TTN: variants seen among roughly 807,000 people sequenced by gnomAD.
The protein encoded by TTN is connectin.
A neutral mutation model predicts 3,223.0 loss-of-function variants in TTN; 1,525 were observed. The ratio of observed to expected loss-of-function variants is 0.47; its 90% CI spans 0.45 to 0.49. TTN has a LOEUF of 0.49. Ranked by LOEUF, TTN falls within the 20% of genes least tolerant of loss-of-function variation. The pLI, the probability that TTN is intolerant of heterozygous loss-of-function variation, is 0.00. For missense variants in TTN, 40,786 were observed against 43,424.0 expected, an observed-to-expected ratio of 0.94 and a Z score of 5.40; for synonymous variants, 14,094 against 15,161.0, an observed-to-expected ratio of 0.93 and a Z score of 5.17.
At position 178,785,946 on chromosome 2, in the gene TTN, G is replaced by A; in HGVS notation, c.2272C>T (p.His758Tyr). Reference protein sequence around the residue: ...EPPQRPASEPHVVPKAVKPRV... With the variant: ...EPPQRPASEPYVVPKAVKPRV... ...GGCTTGACTGCTTTAGGGACAACGT[G>A]GGGTTCTGAGGCTGGACGTTGGGGA... The change falls in exon 14 of 363, where the codon CAC (histidine) becomes TAC (tyrosine). Residue 758 changes from histidine (H) to tyrosine (Y), a missense_variant. Coordinates refer to ENST00000589042, the MANE Select transcript of TTN (RefSeq NM_001267550.2). 6.2e-7 allele frequency: 1 copy of A among 1,614,122 alleles called. No homozygotes were observed. Among genetic ancestry groups the A allele is most frequent in the Non-Finnish European group, 8.5e-7 (1 of 1,180,012 alleles).
At chr2:178,627,350 C>T (rs990300835) in intron 240 of TTN, among the ~76,000 whole-genome samples, 5 of 151,596 alleles carry the variant, frequency 3.3e-5, no homozygotes, top group African/African-American at 4.8e-5. Context: ...GTTTTGAAGG[C>T]GAAAATTTTT....
At chr2:178,637,146 GATATATATATATATATATATAT>G (rs61216469) in intron 224 of TTN, among the ~76,000 whole-genome samples, 1,032 of 49,210 alleles carry the variant, frequency 0.021, 62 homozygotes, top group African/African-American at 0.045. Context: ...AATATAGTTG[GATATATATATATATATATATAT>G]ATATATATAT....
chr2:178,532,777 T>C lies in TTN; in HGVS notation c.103838A>G (p.Asp34613Gly), dbSNP rs752270326. 6.2e-7 allele frequency: 1 copy of C among 1,613,978 alleles called. No homozygotes were observed. Among genetic ancestry groups the C allele is most frequent in the South Asian group, 1.1e-5 (1 of 91,084 alleles). ...AATACGCCATTTAGGTCTGTATTGATCTGTAATGCGTGGAAGAGGCATCAC... is the reference window on the plus strand; with the variant it reads ...AATACGCCATTTAGGTCTGTATTGACCTGTAATGCGTGGAAGAGGCATCAC... Reference protein sequence around the residue: ...FYVMPLPRITDQYRPKWRIPK... With the variant: ...FYVMPLPRITGQYRPKWRIPK... The change falls in exon 358 of 363, where the codon GAT becomes GGT. Residue 34613 changes from aspartate (D) to glycine (G), a missense_variant. Asp to Gly is a moderately conservative substitution (Grantham distance 94). Coordinates refer to ENST00000589042, the MANE Select transcript of TTN (RefSeq NM_001267550.2).
At chr2:178,735,401 T>G in intron 50 of TTN, 110 bp downstream of exon 50, 29 of 1,064,414 alleles carry the variant, frequency 2.7e-5, no homozygotes, top group Non-Finnish European at 3.5e-5. Flanking sequence ...GTTTGCTGAA[T>G]GACATTATTT....
Position 178,531,406 on chromosome 2 carries a change from G to T in TTN, c.105209C>A (p.Thr35070Lys). 1 of 1,614,012 alleles carries T rather than the reference G, an allele frequency of 6.2e-7. No individual in the cohort carries two copies. The part of the protein sequence containing the change: ...EAYAVSSFKK[T>K]SEMEASSSVR... ...AGAAGACGAAGCTTCCATCTCAGAT[G>T]TTTTCTTAAATGATGAAACAGCATA... Residue 35070 changes from threonine to lysine, a missense_variant, in exon 358 of 363, where the codon ACA becomes AAA. Coordinates refer to ENST00000589042, the MANE Select transcript of TTN (RefSeq NM_001267550.2).
At chr2:178,577,579 C>T (rs745424132) in intron 323 of TTN, 23 bp downstream of exon 323, 4 of 1,557,164 alleles carry the variant, frequency 2.6e-6, no homozygotes, top group Non-Finnish European at 2.6e-6. Flanking sequence ...AAAAAAAGTA[C>T]ATAAAAAGTA....
chr2:178,617,574 G>A lies in TTN; in HGVS notation c.47573-62C>T, dbSNP rs72677236. On this transcript the variant is annotated intron_variant, in intron 253 of 362. Coordinates refer to ENST00000589042, the MANE Select transcript of TTN (RefSeq NM_001267550.2). ...GTTAGTGACAATTTATGAAAACAGT[G>A]TTGTAATCAATTATATCATCCTCAT... 2,168 of 1,478,294 alleles carry A rather than the reference G, an allele frequency of 1.5e-3. 9 individuals carry two copies. In the African/African-American group the frequency reaches 0.017, roughly 12 times the overall value. 91.6% of individuals were successfully genotyped at this position (1,478,294 alleles called of 1,614,324 possible). A position where few individuals can be genotyped will look rare whatever the true frequency, so the allele number is the denominator to read the frequency against.
chr2:178,734,951 A>G lies in TTN; in HGVS notation c.14973T>C (p.Tyr4991=), dbSNP rs761666344. 5.0e-5 allele frequency: 80 copies of G among 1,603,862 alleles called. No individual in the cohort carries two copies. The highest frequency in any genetic ancestry group is 3.7e-5 in the Non-Finnish European group (43 of 1,174,134). Residue 4991 remains tyrosine (Y), a synonymous_variant, in exon 51 of 363, where the codon TAT becomes TAC. Coordinates refer to ENST00000589042, the MANE Select transcript of TTN (RefSeq NM_001267550.2). The part of the protein sequence containing the change: ...PSFVKKVDPS[Y]LMLPGESARL... ...GTGCTGATTCACCTGGGAGCATTAA[A>G]TAAGAGGGATCCACCTTCTTCACGA...
chr2:178,585,788 G>C (rs549434500), intron 308 of TTN, among the ~76,000 whole-genome samples: 1 of 152,008 alleles, frequency 6.6e-6, no homozygotes, highest in Non-Finnish European at 1.5e-5. Context: ...TTATGGCTGC[G>C]TAGTATCCTG....
rs993225323 is a variant in TTN, at chr2:178,784,293, G to A, written c.2552C>T (p.Ser851Phe). The A allele has an allele frequency of 6.2e-7, 1 of 1,614,150 alleles. No individual in the cohort carries two copies. The highest frequency in any genetic ancestry group is 1.3e-5 in the African/African-American group (1 of 75,054). Residue 851 changes from serine (S) to phenylalanine (F), a missense_variant, in exon 16 of 363, where the codon TCT (serine) becomes TTT (phenylalanine). Ser to Phe is a radical substitution (Grantham distance 155). Coordinates refer to ENST00000589042, the MANE Select transcript of TTN (RefSeq NM_001267550.2). ...CACCGATTTGGTGATCTTCTGAGCA[G>A]AAGATGTGGCTGACAACTCTTTTTG... is the stretch of plus-strand genomic sequence containing the variant. Reference protein sequence around the residue: ...TLQKELSATSSAQKITKSVKA... With the variant: ...TLQKELSATSFAQKITKSVKA...
Position 178,696,283 on chromosome 2 carries a change from A to G in TTN, c.30803-14T>C, listed in dbSNP as rs2073693398. The G allele has an allele frequency of 4.0e-6, 6 of 1,501,902 alleles. No individual in the cohort carries two copies. Among genetic ancestry groups the G allele is most frequent in the Non-Finnish European group, 5.3e-6 (6 of 1,130,518 alleles). 93.0% of individuals were successfully genotyped at this position (1,501,902 alleles called of 1,614,324 possible). A position where few individuals can be genotyped will look rare whatever the true frequency, so the allele number is the denominator to read the frequency against. On this transcript the variant is annotated splice_polypyrimidine_tract_variant and intron_variant, in intron 113 of 362. Transcript: ENST00000589042. ...TGATTTCAGGAGCTAAAATAGATAA[A>G]GATACTATTAGCATATTAATTCTAT...
intron 213 of TTN, among the ~76,000 whole-genome samples, chr2:178,647,850 A>G (rs1163123875): frequency 6.6e-6 from 1 of 152,142 alleles, no homozygotes; most frequent in Non-Finnish European, 1.5e-5. Flanking sequence ...TTTAAAGGTG[A>G]AAAGCACATC....
chr2:178,684,841 T>G, intron 130 of TTN, 65 bp downstream of exon 130: 2 of 1,546,678 alleles, frequency 1.3e-6, no homozygotes, highest in Non-Finnish European at 1.8e-6. Context: ...TTAAAAAATC[T>G]GAAGAATGTA....
Position 178,633,324 on chromosome 2 carries a change from G to C in TTN, c.42949C>G (p.Arg14317Gly), listed in dbSNP as rs376799532. 45 of 1,612,620 alleles carry C rather than the reference G, an allele frequency of 2.8e-5. 1 individual carries two copies. Among genetic ancestry groups the C allele is most frequent in the Non-Finnish European group, 3.8e-5 (45 of 1,179,374 alleles). Residue 14317 changes from arginine to glycine, a missense_variant and splice_region_variant, in exon 233 of 363, where the codon CGA becomes GGA. Arg to Gly is a moderately radical substitution (Grantham distance 125). Coordinates refer to ENST00000589042, the MANE Select transcript of TTN (RefSeq NM_001267550.2). ...AGAGGCTTTTCCACTTTTATTAGTCGAGCTGAAATGATACAGTTTTGTTAG... is the reference window on the plus strand; with the variant it reads ...AGAGGCTTTTCCACTTTTATTAGTCCAGCTGAAATGATACAGTTTTGTTAG... ...KTKANVTVEA[R>G]LIKVEKPLYG...
chr2:178,671,158 G>A lies in TTN; in HGVS notation c.35240C>T (p.Ser11747Phe). The change falls in exon 156 of 363, where the codon TCT becomes TTT. Residue 11747 changes from serine (S) to phenylalanine (F), a missense_variant. Physicochemically the swap from Ser to Phe is radical, Grantham distance 155. Transcript: ENST00000589042. ...TTTTTTTGGAGGGATGATTTTCTCA[G>A]ATATCTCAGGCCCTTCAAAGATATT... is the stretch of plus-strand genomic sequence containing the variant. Reference protein sequence around the residue: ...PKAPPKGPEISEKIIPPKKPP... With the variant: ...PKAPPKGPEIFEKIIPPKKPP... The A allele has an allele frequency of 6.2e-7, 1 of 1,602,408 alleles. No homozygotes were observed. The highest frequency in any genetic ancestry group is 2.3e-5 in the East Asian group (1 of 44,142).
intron 43 of TTN, 56 bp downstream of exon 43, chr2:178,764,121 T>C (rs764911437): frequency 5.6e-5 from 91 of 1,613,096 alleles, no homozygotes; most frequent in Non-Finnish European, 7.6e-5. Flanking sequence ...CAGAATGTTT[T>C]TCCCATGTAA....
rs753682966 is a variant in TTN at position 178,551,702 on chromosome 2, A to T, written c.91198T>A (p.Tyr30400Asn). The T allele has an allele frequency of 1.9e-6, 3 of 1,613,424 alleles. No individual in the cohort carries two copies. Among genetic ancestry groups the T allele is most frequent in the Non-Finnish European group, 2.5e-6 (3 of 1,179,522 alleles). ...VEGLDYQFRV[Y>N]AENSAGLSSP... The stretch of plus-strand genomic sequence containing the variant: ...CTTAGGCCAGCAGAATTTTCAGCAT[A>T]TACACGGAATTGGTAATCCAGACCT... Residue 30400 changes from tyrosine to asparagine, a missense_variant, in exon 335 of 363, where the codon TAT becomes AAT. Coordinates refer to ENST00000589042, the MANE Select transcript of TTN (RefSeq NM_001267550.2).
chr2:178,678,599 G>A, intron 143 of TTN, 102 bp from the exon 144 acceptor site: 1 of 1,146,770 alleles, frequency 8.7e-7, no homozygotes, highest in Non-Finnish European at 1.2e-6. Context: ...GTATGACAAA[G>A]GTATTCCAAG....
Position 178,612,088 on chromosome 2 carries a change from G to T in TTN, c.50323C>A (p.Pro16775Thr). 1 of 1,611,736 alleles carries T rather than the reference G, an allele frequency of 6.2e-7. No individual in the cohort carries two copies. The highest frequency in any genetic ancestry group is 2.2e-5 in the East Asian group (1 of 44,478). Residue 16775 changes from proline to threonine, a missense_variant, in exon 267 of 363, where the codon CCT becomes ACT. By Grantham distance (38) the Pro-to-Thr change is conservative. Transcript: ENST00000589042. ...KRHVDLKWEPPKNDGGRPIQR... is the reference protein window; with the variant it reads ...KRHVDLKWEPTKNDGGRPIQR... ...ATTGGTCTTCCACCATCATTTTTAG[G>T]TGGCTCCCACTTTAGGTCAACATGT...
Sources: gnomAD v4.1 joint callset for allele counts (sites outside exome capture counted in the v4.1 genomes callset) on GRCh38, gnomAD v4.1.1 for gene constraint, MANE v1.5 for transcripts, NCBI Gene and HGNC (gene_info 2026-07-23, HGNC 2026-07-21) for gene names.